Variants in VTI1A observed in about 807,000 individuals in gnomAD.
The protein encoded by VTI1A is vesicle transport through interaction with t-SNAREs homolog 1A.
A neutral mutation model predicts 34.9 loss-of-function variants in VTI1A; 22 were observed. The observed-to-expected ratio is 0.63, with a 90% CI of 0.45 to 0.90. VTI1A has a LOEUF of 0.90. VTI1A is among the 40% of genes least tolerant of loss of function. VTI1A has a pLI of 0.00. For missense variants in VTI1A, 268 were observed against 275.6 expected (o/e 0.97, Z 0.20); for synonymous variants, 87 against 97.3 (o/e 0.89, Z 0.62).
chr10:112,806,438 A>G (rs552203109), intron 7 of VTI1A, among the ~76,000 whole-genome samples: 10 of 152,196 alleles, frequency 6.6e-5, no homozygotes, highest in African/African-American at 2.2e-4. Context: ...GGCACACGCC[A>G]CCACACCCGG....
intron 5 of VTI1A, among the ~76,000 whole-genome samples, chr10:112,618,186 C>T (rs564271719): frequency 9.9e-5 from 15 of 151,882 alleles, no homozygotes; most frequent in Admixed American, 9.2e-4. Flanking sequence ...CAAGACTGAA[C>T]TCTTCTACTT....
chr10:112,798,541 T>G (rs1852755866), intron 7 of VTI1A, among the ~76,000 whole-genome samples: 1 of 152,088 alleles, frequency 6.6e-6, no homozygotes, highest in Non-Finnish European at 1.5e-5. Context: ...TGTATGAAGA[T>G]CCCTCCTAAT....
At chr10:112,533,553 G>A in intron 4 of VTI1A, 1 of 1,011,120 alleles carries the variant, frequency 9.9e-7, no homozygotes, top group Non-Finnish European at 1.2e-6. Context: ...GTGAAGAGGT[G>A]AGTACTTCCT....
chr10:112,830,494 C>G, the VTI1A span, among the ~76,000 whole-genome samples: 89 of 151,394 alleles, frequency 5.9e-4, 1 homozygote, highest in Non-Finnish European at 1.1e-3. Flanking sequence ...CTGAACCTTC[C>G]TCCAATCTCA....
chr10:112,851,841 TG>T, the VTI1A span, among the ~76,000 whole-genome samples: 2 of 152,174 alleles, frequency 1.3e-5, no homozygotes, highest in Non-Finnish European at 2.9e-5. Flanking sequence ...CATATGATAA[TG>T]GCCGTAGGAA....
chr10:112,690,394 C>T (rs575601582), intron 7 of VTI1A, among the ~76,000 whole-genome samples: 108 of 152,286 alleles, frequency 7.1e-4, no homozygotes, highest in Admixed American at 2.0e-3. Context: ...ATGAGAGTTC[C>T]GGTTGCTCTC....
chr10:112,668,387 G>T (rs1847723652), intron 6 of VTI1A, 99 bp downstream of exon 6: 1 of 1,292,380 alleles, frequency 7.7e-7, no homozygotes, highest in African/African-American at 1.5e-5. Flanking sequence ...AGATATATGT[G>T]TGTAAGGTGA....
rs1417755273 is a variant in VTI1A, at chr10:112,816,812, A to C, written c.*1429A>C. On this transcript the variant is annotated 3_prime_UTR_variant, in exon 8 of 8. Transcript: ENST00000393077. ...ATATCACCTGGATGTAGTGCTTGAT[A>C]TTTTTCCCAACTCAGAAGAAAACCA... 3 of 229,544 alleles carry C rather than the reference A, an allele frequency of 1.3e-5. No homozygotes were observed. The highest frequency in any genetic ancestry group is 2.6e-5 in the Non-Finnish European group (3 of 115,810). The allele number at this position is 229,544 out of a possible 1,614,324, so 14.2% of individuals were successfully genotyped here.
chr10:112,804,851 A>ATTTTTTT (rs138471169), intron 7 of VTI1A, among the ~76,000 whole-genome samples: 2 of 55,326 alleles, frequency 3.6e-5, no homozygotes, highest in Non-Finnish European at 6.3e-5. Flanking sequence ...TAGATTATAG[A>ATTTTTTT]TTTTTTTTTT....
intron 7 of VTI1A, among the ~76,000 whole-genome samples, chr10:112,706,806 G>A (rs1381289983): frequency 3.3e-5 from 5 of 152,006 alleles, no homozygotes; most frequent in African/African-American, 4.8e-5. Flanking sequence ...TCCCTGTCAC[G>A]CAACATCAAA....
At chr10:112,472,436 C>T (rs1269489470) in intron 3 of VTI1A, among the ~76,000 whole-genome samples, 1 of 152,014 alleles carries the variant, frequency 6.6e-6, no homozygotes, top group African/African-American at 2.4e-5. Context: ...TGTGGAACAG[C>T]TTGAAGCTTT....
intron 7 of VTI1A, among the ~76,000 whole-genome samples, chr10:112,750,687 T>C (rs1276938656): frequency 6.6e-6 from 1 of 152,230 alleles, no homozygotes; most frequent in Non-Finnish European, 1.5e-5. Flanking sequence ...GACTGAGTCT[T>C]ATTAGACTGC....
chr10:112,452,598 G>A (rs918205496), intron 1 of VTI1A, among the ~76,000 whole-genome samples: 1 of 151,582 alleles, frequency 6.6e-6, no homozygotes, highest in Non-Finnish European at 1.5e-5. Flanking sequence ...GCTTTTATGG[G>A]GTTGTATTCA....
intron 5 of VTI1A, among the ~76,000 whole-genome samples, chr10:112,606,076 G>C (rs1032041401): frequency 4.0e-5 from 6 of 149,712 alleles, no homozygotes; most frequent in Admixed American, 1.3e-4. Flanking sequence ...CCAGGCTGGA[G>C]TGCAATGGCG....
intron 7 of VTI1A, among the ~76,000 whole-genome samples, chr10:112,753,271 T>TATA (rs10566277): frequency 0.039 from 5,844 of 150,314 alleles, 155 homozygotes; most frequent in Non-Finnish European, 0.053. Flanking sequence ...CTCTTTTAAA[T>TATA]ATAATAATAA....
chr10:112,600,506 C>T (rs1589958484), intron 5 of VTI1A, among the ~76,000 whole-genome samples: 2 of 152,190 alleles, frequency 1.3e-5, no homozygotes. Flanking sequence ...CTGTTTTCTT[C>T]TCCCAGATAC....
At chr10:112,804,965 A>G (rs571499348) in intron 7 of VTI1A, among the ~76,000 whole-genome samples, 3 of 145,130 alleles carry the variant, frequency 2.1e-5, no homozygotes, top group South Asian at 2.1e-4. Context: ...GGCTTAAGCA[A>G]TCCTCCCGTC....
At chr10:112,839,472 G>T in the VTI1A span, among the ~76,000 whole-genome samples, 1 of 151,824 alleles carries the variant, frequency 6.6e-6, no homozygotes, top group Non-Finnish European at 1.5e-5. Flanking sequence ...CTACTTGGGG[G>T]AGCAGCCCGG....
intron 7 of VTI1A, among the ~76,000 whole-genome samples, chr10:112,693,410 G>T (rs1848672270): frequency 6.6e-6 from 1 of 152,092 alleles, no homozygotes; most frequent in African/African-American, 2.4e-5. Flanking sequence ...AGCCAGGCGT[G>T]GTGGTGGGCA....
Sources: allele counts gnomAD v4.1 joint callset (sites outside exome capture counted in the v4.1 genomes callset), GRCh38; gene constraint gnomAD v4.1.1; transcripts MANE v1.5; gene names NCBI Gene and HGNC (gene_info 2026-07-23, HGNC 2026-07-21).